Variants in PTPN5 observed in about 807,000 individuals in gnomAD.
PTPN5 encodes tyrosine-protein phosphatase non-receptor type 5.
A neutral mutation model predicts 73.9 loss-of-function variants in PTPN5; 29 were observed. That is an observed-to-expected ratio of 0.39 (90% CI 0.29 to 0.54). The LOEUF (loss-of-function observed/expected upper bound fraction) is 0.54, where lower values mean the gene tolerates loss of function less well. PTPN5 is among the 20% of genes least tolerant of loss of function. The pLI, the probability that PTPN5 is intolerant of heterozygous loss-of-function variation, is 0.65. For synonymous variants in PTPN5, 267 were observed against 304.7 expected (o/e 0.88, Z 1.29); for missense variants, 652 against 751.4 (o/e 0.87, Z 1.55).
In PTPN5 at chr11:18,728,987, G is replaced by A. The variant is rs761595152; in HGVS notation, c.1645C>T (p.His549Tyr). Reference sequence around the variant, plus strand: ...TTTTCGTAGAGGCTCATGACGTGGTGCACAAACTGGTACTGCTCGCATGTC... The same window carrying A: ...TTTTCGTAGAGGCTCATGACGTGGTACACAAACTGGTACTGCTCGCATGTC... Reference protein sequence around the residue: ...IQTCEQYQFVHHVMSLYEKQL... With the variant: ...IQTCEQYQFVYHVMSLYEKQL... Residue 549 changes from histidine (H) to tyrosine (Y), a missense_variant, in exon 15 of 15, where the codon CAC becomes TAC. By Grantham distance (83) the His-to-Tyr change is moderately conservative (BLOSUM62 2). Transcript: ENST00000358540. The surrounding 1 kb of genome is among the most constrained non-coding windows in gnomAD (Gnocchi z 4.1). 3 of 1,613,788 alleles carry A rather than the reference G, an allele frequency of 1.9e-6. No homozygotes were observed. The highest frequency in any genetic ancestry group is 2.5e-6 in the Non-Finnish European group (3 of 1,179,892).
intron 3 of PTPN5, among the ~76,000 whole-genome samples, chr11:18,746,162 AATATATATATATATAT>A (rs773490900): frequency 7.4e-5 from 5 of 67,672 alleles, no homozygotes; most frequent in East Asian, 4.1e-4. Flanking sequence ...TATAAATATA[AATATATATATATATAT>A]ATATATATAT....
chr11:18,731,443 T>C (rs925176373), intron 12 of PTPN5, among the ~76,000 whole-genome samples: 9 of 152,196 alleles, frequency 5.9e-5, no homozygotes, highest in Non-Finnish European at 2.9e-5. Flanking sequence ...GTGCTCGTAA[T>C]GTCTTATGGA....
intron 11 of PTPN5, among the ~76,000 whole-genome samples, chr11:18,732,991 G>A (rs1362744836): frequency 6.6e-6 from 1 of 152,192 alleles, no homozygotes; most frequent in Non-Finnish European, 1.5e-5. Context: ...CAGGCTGGGA[G>A]GCAGCAGAGT....
At chr11:18,749,734 C>T (rs1023718087) in intron 3 of PTPN5, among the ~76,000 whole-genome samples, 1 of 152,152 alleles carries the variant, frequency 6.6e-6, no homozygotes, top group African/African-American at 2.4e-5. Context: ...TGTCACCCGG[C>T]TCCCAAATCC....
At chr11:18,752,435 C>T (rs923880000) in intron 3 of PTPN5, among the ~76,000 whole-genome samples, 1 of 152,160 alleles carries the variant, frequency 6.6e-6, no homozygotes, top group African/African-American at 2.4e-5. Context: ...CCCAGGAGGA[C>T]AATGGGTGCC....
intron 1 of PTPN5, among the ~76,000 whole-genome samples, chr11:18,782,885 C>T (rs556468321): frequency 6.6e-6 from 1 of 152,320 alleles, no homozygotes; most frequent in Admixed American, 6.5e-5. Context: ...CTCTCCCACC[C>T]AAAGGCCAGT....
chr11:18,792,395 T>C (rs80279941), upstream of PTPN5: 10,370 of 152,476 alleles, frequency 0.068, 477 homozygotes, highest in East Asian at 0.22. Flanking sequence ...GCGTCCTTTT[T>C]CCCAGTTCTC....
At chr11:18,757,816 G>A (rs189031240) in intron 3 of PTPN5, among the ~76,000 whole-genome samples, 61 of 152,300 alleles carry the variant, frequency 4.0e-4, no homozygotes, top group African/African-American at 1.2e-3. Flanking sequence ...ATGAATATTC[G>A]TCAGAGTGGA....
intron 12 of PTPN5, 111 bp downstream of exon 12, chr11:18,732,481 A>C (rs1321471013): frequency 2.6e-6 from 2 of 770,886 alleles, no homozygotes. Context: ...TGGGAGTGAC[A>C]CTGGCTTTTA....
intron 3 of PTPN5, among the ~76,000 whole-genome samples, chr11:18,748,504 G>A (rs1427802420): frequency 2.6e-5 from 4 of 152,126 alleles, no homozygotes; most frequent in African/African-American, 9.7e-5. Context: ...TTCAGAGCAG[G>A]ATTTATTTAG....
At chr11:18,757,991 C>A (rs1294689302) in intron 3 of PTPN5, among the ~76,000 whole-genome samples, 1 of 151,902 alleles carries the variant, frequency 6.6e-6, no homozygotes, top group Non-Finnish European at 1.5e-5. Context: ...GCAAAAGAGC[C>A]GAAGATTTAA....
At chr11:18,761,662 G>T (rs1179619328) in intron 3 of PTPN5, among the ~76,000 whole-genome samples, 1 of 152,154 alleles carries the variant, frequency 6.6e-6, no homozygotes, top group Non-Finnish European at 1.5e-5. Flanking sequence ...GAGAGCCTGA[G>T]AAGAGGACAG....
rs1360135261 is a variant in PTPN5, at chr11:18,732,579, C to T, written c.1329+13G>A. Reference sequence around the variant, plus strand: ...TCATCCTCAGCTTCACCCAGCCCTGCCCCAGGCCTCACCTTGAGGGAGATG... The same window carrying T: ...TCATCCTCAGCTTCACCCAGCCCTGTCCCAGGCCTCACCTTGAGGGAGATG... On this transcript the variant is annotated intron_variant, in intron 12 of 14. Transcript: ENST00000358540. 6.2e-7 allele frequency: 1 copy of T among 1,604,640 alleles called. No individual in the cohort carries two copies. The highest frequency in any genetic ancestry group is 8.5e-7 in the Non-Finnish European group (1 of 1,172,056).
At chr11:18,778,662 T>C (rs1851281042) in intron 1 of PTPN5, among the ~76,000 whole-genome samples, 1 of 152,180 alleles carries the variant, frequency 6.6e-6, no homozygotes, top group Non-Finnish European at 1.5e-5. Context: ...GCCTTCTATC[T>C]GATTGTCAGC....
intron 3 of PTPN5, among the ~76,000 whole-genome samples, chr11:18,750,979 G>A (rs1849861744): frequency 6.6e-6 from 1 of 152,198 alleles, no homozygotes; most frequent in Non-Finnish European, 1.5e-5. Flanking sequence ...CTATTTTGAG[G>A]TTTTGCTTGG....
At chr11:18,739,320 G>A (rs1370350086) in intron 8 of PTPN5, among the ~76,000 whole-genome samples, 2 of 152,230 alleles carry the variant, frequency 1.3e-5, no homozygotes, top group African/African-American at 4.8e-5. Context: ...GGGAGATGAT[G>A]GCAGTGGGAG....
chr11:18,769,147 C>T (rs576366447), intron 2 of PTPN5, among the ~76,000 whole-genome samples: 15 of 152,324 alleles, frequency 9.8e-5, no homozygotes, highest in East Asian at 5.8e-4. Context: ...ATTCAACAGG[C>T]GTGTGCTGAG....
At chr11:18,751,442 C>T (rs1042910077) in intron 3 of PTPN5, among the ~76,000 whole-genome samples, 1 of 152,188 alleles carries the variant, frequency 6.6e-6, no homozygotes, top group African/African-American at 2.4e-5. Context: ...CCAGCAAAGG[C>T]AAAAGCAAAC....
At chr11:18,773,662 C>T (rs1254519243) in intron 1 of PTPN5, among the ~76,000 whole-genome samples, 1 of 152,130 alleles carries the variant, frequency 6.6e-6, no homozygotes, top group Non-Finnish European at 1.5e-5. Context: ...CTGGGGAGCT[C>T]TGAGTCTGGG....
Sources: allele counts gnomAD v4.1 joint callset (sites outside exome capture counted in the v4.1 genomes callset), GRCh38; gene constraint gnomAD v4.1.1; non-coding constraint Gnocchi (gnomAD v3.1); transcripts MANE v1.5; gene names NCBI Gene and HGNC (gene_info 2026-07-23, HGNC 2026-07-21).